The following GOLGA3 variants were observed in gnomAD, a reference collection of about 807,000 sequenced individuals.
GOLGA3 encodes the protein golgin A3.
A neutral mutation model predicts 169.4 loss-of-function variants in GOLGA3; 75 were observed. The observed-to-expected ratio is 0.44, with a 90% CI of 0.37 to 0.54. The LOEUF is 0.54. Ranked by LOEUF, GOLGA3 falls within the 20% of genes least tolerant of loss-of-function variation. The pLI is 0.00. For synonymous variants in GOLGA3, 824 were observed against 822.4 expected (o/e 1.00, Z -0.03); for missense variants, 1,899 against 1,930.0 (o/e 0.98, Z 0.30).
chr12:132,787,920 C>CT lies in GOLGA3; in HGVS notation c.2811+1106_2811+1107insA, dbSNP rs560619467. On this transcript the variant is annotated intron_variant, in intron 13 of 23. Coordinates refer to ENST00000450791, the MANE Select transcript of GOLGA3 (RefSeq NM_001389683.1). ...GAGACCCCAGGACCCTTCCCTGGAC[C>CT]CCCCCCGGATGCCCTCCTCAGGATC... 4.2e-4 allele frequency among the ~76,000 whole-genome samples: 56 copies of CT among 133,628 alleles called. 5 individuals carry two copies. Among genetic ancestry groups the CT allele is most frequent in the African/African-American group, 1.5e-3 (54 of 35,024 alleles). 87.7% of individuals were successfully genotyped at this position (133,628 alleles called of 152,430 possible).
At chr12:132,828,618 G>GAC (rs1950522765) in intron 1 of GOLGA3, 185 bp downstream of exon 1, 1 of 152,304 alleles carries the variant, frequency 6.6e-6, no homozygotes, top group South Asian at 2.0e-4. Flanking sequence ...GCTGAAGGCG[G>GAC]GCGCCCAGGC....
At position 132,769,555 on chromosome 12, in the gene GOLGA3, A is replaced by G. The variant is rs1173842306; in HGVS notation, c.*3550T>C. The G allele has an allele frequency of 6.6e-6, 1 of 152,252 alleles. No individual in the cohort carries two copies. The highest frequency in any genetic ancestry group is 1.5e-5 in the Non-Finnish European group (1 of 68,048). The allele number at this position is 152,252 out of a possible 1,614,324, so 9.4% of individuals were successfully genotyped here. On this transcript the variant is annotated 3_prime_UTR_variant, in exon 24 of 24. Coordinates refer to ENST00000450791, the MANE Select transcript of GOLGA3 (RefSeq NM_001389683.1). ...GAGTGGGAACGGGTGTGAGTCCGTA[A>G]GACCCGTAGCATCAATCTCACATAT...
intron 1 of GOLGA3, among the ~76,000 whole-genome samples, chr12:132,824,441 T>C (rs1950333353): frequency 6.6e-6 from 1 of 152,232 alleles, no homozygotes; most frequent in African/African-American, 2.4e-5. Context: ...AAAACTAGCA[T>C]TAAGGGTTTG....
chr12:132,824,024 G>A (rs192500102), intron 1 of GOLGA3, among the ~76,000 whole-genome samples: 54 of 151,638 alleles, frequency 3.6e-4, no homozygotes, highest in Non-Finnish European at 5.2e-4. Context: ...CAGAGGTTGC[G>A]TGAGCCAAAA....
intron 3 of GOLGA3, among the ~76,000 whole-genome samples, chr12:132,815,191 T>C (rs1173867069): frequency 2.6e-5 from 4 of 152,256 alleles, no homozygotes; most frequent in African/African-American, 9.6e-5. Context: ...GTGGTCCAGA[T>C]GGCTAGACCG....
chr12:132,795,176 A>G (rs1429078218), intron 11 of GOLGA3, among the ~76,000 whole-genome samples: 3 of 131,062 alleles, frequency 2.3e-5, no homozygotes, highest in Non-Finnish European at 4.7e-5. Flanking sequence ...ACAGAGTGAG[A>G]CTCCATCTCA....
intron 16 of GOLGA3, chr12:132,783,954 G>C: frequency 6.9e-7 from 1 of 1,442,988 alleles, no homozygotes; most frequent in Non-Finnish European, 9.1e-7. Flanking sequence ...TTCCACCAAA[G>C]AGGCTGTACA....
At position 132,772,757 on chromosome 12, in the gene GOLGA3, C is replaced by T. The variant is rs2044968758; in HGVS notation, c.*348G>A. The T allele has an allele frequency of 4.9e-6, 1 of 203,160 alleles. No homozygotes were observed. Among genetic ancestry groups the T allele is most frequent in the Non-Finnish European group, 9.9e-6 (1 of 100,728 alleles). 12.6% of individuals were successfully genotyped at this position (203,160 alleles called of 1,614,324 possible). ...CCAGGCGCGGTGCCGCAGACCCTGT[C>T]ACACAGCTGCTCCCAGTTACGCAGC... On this transcript the variant is annotated 3_prime_UTR_variant, in exon 24 of 24. Transcript: ENST00000450791.
chr12:132,814,618 T>C (rs1319726374), intron 3 of GOLGA3, among the ~76,000 whole-genome samples: 1 of 152,170 alleles, frequency 6.6e-6, no homozygotes, highest in Non-Finnish European at 1.5e-5. Context: ...CAAGTCACAT[T>C]ACGATAAGGC....
chr12:132,791,518 C>T (rs374319416), intron 11 of GOLGA3, among the ~76,000 whole-genome samples: 7 of 140,726 alleles, frequency 5.0e-5, no homozygotes, highest in Non-Finnish European at 1.1e-4. Context: ...ACATCTGCAG[C>T]GATGTTACAC....
In GOLGA3 at chr12:132,773,137, TCTGA is replaced by T; in HGVS notation, c.4461_4464del (p.Ser1487ArgfsTer33). ...CCCGGCCCTTCTTTGGAAGCCCTGC[TCTGA>T]CTGTGTCTCTGTGGGTCGCCGCGTG... On this transcript the variant is annotated frameshift_variant, in exon 24 of 24. Coordinates refer to ENST00000450791, the MANE Select transcript of GOLGA3 (RefSeq NM_001389683.1). LOFTEE classifies it low-confidence loss of function (END_TRUNC). 1 of 1,586,608 alleles carries T rather than the reference TCTGA, an allele frequency of 6.3e-7. No homozygotes were observed. Among genetic ancestry groups the T allele is most frequent in the Non-Finnish European group, 8.6e-7 (1 of 1,165,834 alleles).
intron 15 of GOLGA3, among the ~76,000 whole-genome samples, chr12:132,785,735 G>GA (rs1053549671): frequency 2.0e-5 from 3 of 152,232 alleles, no homozygotes; most frequent in Non-Finnish European, 4.4e-5. Context: ...TCAGTGCAAG[G>GA]ACGTGAATTG....
chr12:132,815,894 G>C (rs951206648), intron 3 of GOLGA3, among the ~76,000 whole-genome samples: 1 of 152,118 alleles, frequency 6.6e-6, no homozygotes, highest in African/African-American at 2.4e-5. Flanking sequence ...GCAAGATCCT[G>C]ACTCTAATTA....
At chr12:132,794,582 C>T (rs887674929) in intron 11 of GOLGA3, among the ~76,000 whole-genome samples, 1 of 152,172 alleles carries the variant, frequency 6.6e-6, no homozygotes, top group African/African-American at 2.4e-5. Context: ...TAAATAACTG[C>T]CAGTAATGAC....
In GOLGA3 at chr12:132,773,432, G is replaced by A. The variant is rs2045018758; in HGVS notation, c.4308-138C>T. The A allele has an allele frequency of 1.6e-5, 7 of 451,576 alleles. No individual in the cohort carries two copies. In the South Asian group the frequency reaches 1.9e-4, roughly 12 times the overall value. The allele number at this position is 451,576 out of a possible 1,614,324, so 28.0% of individuals were successfully genotyped here. On this transcript the variant is annotated intron_variant, in intron 23 of 23. Coordinates refer to ENST00000450791, the MANE Select transcript of GOLGA3 (RefSeq NM_001389683.1). ...GATCCGCAAACCAACTGAGACCACA[G>A]AAGCTCAGCTGTTCTCAGCACCGTT...
At chr12:132,774,455 C>T (rs751258264) in intron 22 of GOLGA3, 135 bp from the exon 23 acceptor site, 30 of 918,120 alleles carry the variant, frequency 3.3e-5, no homozygotes, top group South Asian at 1.2e-4. Flanking sequence ...TCCTGGCCGC[C>T]GTGGCAGCCC....
Position 132,774,193 on chromosome 12 carries a change from G to A in GOLGA3, c.4271C>T (p.Pro1424Leu). Residue 1424 changes from proline to leucine, a missense_variant, in exon 23 of 24, where the codon CCC becomes CTC. By Grantham distance (98) the Pro-to-Leu change is moderately conservative. Transcript: ENST00000450791. Reference sequence around the variant, plus strand: ...GAGGCAGCTGTTCAGGTTCTTGAGGGGCTCCTTGCTCACGGCGGGCGGTGG... The same window carrying A: ...GAGGCAGCTGTTCAGGTTCTTGAGGAGCTCCTTGCTCACGGCGGGCGGTGG... Reference protein sequence around the residue: ...LRPPPAVSKEPLKNLNSCLQQ... With the variant: ...LRPPPAVSKELLKNLNSCLQQ... 1 of 1,611,480 alleles carries A rather than the reference G, an allele frequency of 6.2e-7. No homozygotes were observed. The highest frequency in any genetic ancestry group is 1.3e-5 in the African/African-American group (1 of 74,966).
At chr12:132,785,437 A>C (rs1268177498) in intron 15 of GOLGA3, among the ~76,000 whole-genome samples, 2 of 152,222 alleles carry the variant, frequency 1.3e-5, no homozygotes, top group Non-Finnish European at 1.5e-5. Flanking sequence ...CAGTGTCTCA[A>C]GCATCTGTGT....
intron 17 of GOLGA3, among the ~76,000 whole-genome samples, chr12:132,781,552 TAAC>T (rs199741330): frequency 2.6e-5 from 4 of 152,068 alleles, no homozygotes; most frequent in Non-Finnish European, 4.4e-5. Flanking sequence ...TCCGTATTAC[TAAC>T]AACAACAACA....
Sources: allele counts gnomAD v4.1 joint callset (sites outside exome capture counted in the v4.1 genomes callset), GRCh38; gene constraint gnomAD v4.1.1; transcripts MANE v1.5; gene names NCBI Gene and HGNC (gene_info 2026-07-23, HGNC 2026-07-21).